SLC24A2: variants seen among roughly 807,000 people sequenced by gnomAD.
The protein encoded by SLC24A2 is sodium/potassium/calcium exchanger 2.
SLC24A2 carries 36 observed loss-of-function variants against 62.0 expected under a neutral mutation model. That is an observed-to-expected ratio of 0.58 (90% CI 0.44 to 0.77). The LOEUF (loss-of-function observed/expected upper bound fraction) is 0.77, where lower values mean the gene tolerates loss of function less well. Ranked by LOEUF, SLC24A2 falls within the 30% of genes least tolerant of loss-of-function variation. The pLI is 0.00. For missense variants in SLC24A2, 846 were observed against 817.9 expected (o/e 1.03, Z -0.42); for synonymous variants, 358 against 294.0 (o/e 1.22, Z -2.23).
the SLC24A2 span, among the ~76,000 whole-genome samples, chr9:19,805,834 TTA>T: frequency 2.4e-4 from 34 of 141,408 alleles, no homozygotes; most frequent in Admixed American, 3.5e-4. Flanking sequence ...GGTCTGAGTT[TTA>T]AAAAAAAAAA....
Position 19,584,290 on chromosome 9 carries a change from AAAAC to A in SLC24A2, c.1130-7272_1130-7269del, listed in dbSNP as rs1310711511. Among the ~76,000 whole-genome samples, 14 of 135,582 alleles carry A rather than the reference AAAAC, an allele frequency of 1.0e-4. 1 individual carries two copies. Among genetic ancestry groups the A allele is most frequent in the South Asian group, 2.4e-4 (1 of 4,084 alleles). The allele number at this position is 135,582 out of a possible 152,430, so 88.9% of individuals were successfully genotyped here. A position where few individuals can be genotyped will look rare whatever the true frequency, so the allele number is the denominator to read the frequency against. ...GCAAATAGTAAAAAAAAAAAAAAAA[AAAAC>A]AAACAAAAAACAAAACAAAACAAAC... On this transcript the variant is annotated intron_variant, in intron 5 of 10. Transcript: ENST00000341998.
the SLC24A2 span, among the ~76,000 whole-genome samples, chr9:20,216,948 G>A: frequency 0.066 from 9,996 of 152,164 alleles, 440 homozygotes; most frequent in Middle Eastern, 0.12. Context: ...AGGGGAATTT[G>A]GAGAAGGTTT....
At chr9:20,097,720 A>ATTTTTTTTTTTTT in the SLC24A2 span, among the ~76,000 whole-genome samples, 26 of 69,110 alleles carry the variant, frequency 3.8e-4, 1 homozygote, top group East Asian at 2.0e-3. Flanking sequence ...ATCTTAAATA[A>ATTTTTTTTTTTTT]TTTTTTTTTT....
chr9:19,560,916 T>TATAG (rs1449688728), intron 7 of SLC24A2, among the ~76,000 whole-genome samples: 1 of 119,448 alleles, frequency 8.4e-6, no homozygotes, highest in African/African-American at 3.4e-5. Context: ...TATATATATA[T>TATAG]AGAGAGAGAG....
rs951015906 is a variant in SLC24A2 at position 19,707,369 on chromosome 9, C to A, written c.930+78568G>T. The stretch of plus-strand genomic sequence containing the variant: ...CCATTCCTTCTGAAACTATTCCAAT[C>A]AATAGAAAAAGAGGGAATCCTCCCT... On this transcript the variant is annotated intron_variant, in intron 2 of 10. Coordinates refer to ENST00000341998, the MANE Select transcript of SLC24A2 (RefSeq NM_020344.4). Among the ~76,000 whole-genome samples the A allele has an allele frequency of 2.6e-5, 4 of 152,158 alleles. No homozygotes were observed. The South Asian group carries it at 8.3e-4, about 32-fold the overall frequency.
the SLC24A2 span, among the ~76,000 whole-genome samples, chr9:19,930,166 T>C: frequency 6.6e-6 from 1 of 152,224 alleles, no homozygotes; most frequent in African/African-American, 2.4e-5. Flanking sequence ...AGTAATGTCC[T>C]AGGTCTTCAC....
chr9:20,111,983 A>G, the SLC24A2 span, among the ~76,000 whole-genome samples: 1 of 152,194 alleles, frequency 6.6e-6, no homozygotes, highest in African/African-American at 2.4e-5. Flanking sequence ...GAGGAAAACC[A>G]CGCTTCCAGA....
the SLC24A2 span, among the ~76,000 whole-genome samples, chr9:20,243,152 C>A: frequency 8.5e-5 from 13 of 152,252 alleles, no homozygotes; most frequent in South Asian, 2.5e-3. Flanking sequence ...TTTTACTACT[C>A]CTTTTATTGC....
intron 5 of SLC24A2, among the ~76,000 whole-genome samples, chr9:19,595,205 C>T (rs922679970): frequency 9.2e-5 from 14 of 152,298 alleles, no homozygotes; most frequent in African/African-American, 2.9e-4. Context: ...TGAGAAGTCA[C>T]GTGATAAAGA....
At chr9:20,303,698 C>T in the SLC24A2 span, among the ~76,000 whole-genome samples, 2 of 152,220 alleles carry the variant, frequency 1.3e-5, no homozygotes, top group Admixed American at 1.3e-4. Flanking sequence ...CTTTCCTCCA[C>T]CTGACTGTAG....
chr9:19,933,886 G>C, the SLC24A2 span, among the ~76,000 whole-genome samples: 1 of 152,196 alleles, frequency 6.6e-6, no homozygotes, highest in African/African-American at 2.4e-5. Flanking sequence ...CATGTAGTAT[G>C]ATTCCATTTA....
the SLC24A2 span, among the ~76,000 whole-genome samples, chr9:20,057,384 G>A: frequency 2.0e-5 from 3 of 152,142 alleles, no homozygotes; most frequent in South Asian, 2.1e-4. Flanking sequence ...AGGAGCTTGT[G>A]TCTTCAACTC....
the SLC24A2 span, among the ~76,000 whole-genome samples, chr9:20,280,320 C>T: frequency 6.6e-6 from 1 of 152,280 alleles, no homozygotes; most frequent in East Asian, 1.9e-4. Context: ...CCTTGTTAGT[C>T]ATTGGCCTTC....
chr9:19,694,352 T>C (rs1367337572), intron 2 of SLC24A2, among the ~76,000 whole-genome samples: 1 of 151,896 alleles, frequency 6.6e-6, no homozygotes, highest in Non-Finnish European at 1.5e-5. Context: ...TAAGTATTTG[T>C]TCTCTCACTA....
chr9:19,994,291 CAA>C, the SLC24A2 span, among the ~76,000 whole-genome samples: 30 of 152,032 alleles, frequency 2.0e-4, no homozygotes, highest in Non-Finnish European at 3.1e-4. Flanking sequence ...TGGCAAAAAA[CAA>C]AAACAAAACA....
intron 2 of SLC24A2, among the ~76,000 whole-genome samples, chr9:19,740,871 CA>C (rs35585142): frequency 1.3e-3 from 186 of 139,318 alleles, no homozygotes; most frequent in East Asian, 1.5e-3. Context: ...TAAAAAGGAC[CA>C]AAAAAAAAAA....
chr9:20,176,909 T>TGGG, the SLC24A2 span, among the ~76,000 whole-genome samples: 3 of 151,384 alleles, frequency 2.0e-5, no homozygotes, highest in Non-Finnish European at 3.0e-5. Context: ...ATCTAAAGTG[T>TGGG]GAGGATGGAG....
At chr9:19,639,026 A>T (rs567488038) in intron 2 of SLC24A2, among the ~76,000 whole-genome samples, 14 of 152,328 alleles carry the variant, frequency 9.2e-5, no homozygotes, top group African/African-American at 2.9e-4. Context: ...CAAGTCAATC[A>T]TTATCATCCC....
chr9:19,525,765 G>GTTTTT (rs71496823), intron 9 of SLC24A2, among the ~76,000 whole-genome samples: 10 of 99,124 alleles, frequency 1.0e-4, no homozygotes, highest in Non-Finnish European at 1.4e-4. Flanking sequence ...ACATGCTACT[G>GTTTTT]TTTTTTTTTT....
Sources: gnomAD v4.1 joint callset for allele counts (sites outside exome capture counted in the v4.1 genomes callset) on GRCh38, gnomAD v4.1.1 for gene constraint, MANE v1.5 for transcripts, NCBI Gene and HGNC (gene_info 2026-07-23, HGNC 2026-07-21) for gene names.